The following GLDN variants were observed in gnomAD, a reference collection of about 807,000 sequenced individuals.
GLDN encodes the protein gliomedin.
In GLDN, 47 loss-of-function variants were observed where a neutral mutation model predicts 56.5. The ratio of observed to expected loss-of-function variants is 0.83; its 90% CI spans 0.66 to 1.06. The LOEUF (loss-of-function observed/expected upper bound fraction) is 1.06, where lower values mean the gene tolerates loss of function less well. Among genes scored for constraint, GLDN ranks in the 50% least tolerant of loss-of-function variants. The pLI is 0.00. For missense variants in GLDN, 782 were observed against 714.3 expected (o/e 1.09, Z -1.08); for synonymous variants, 332 against 278.8 (o/e 1.19, Z -1.90).
At chr15:51,397,041 G>A (rs1267257510) in intron 5 of GLDN, among the ~76,000 whole-genome samples, 2 of 152,170 alleles carry the variant, frequency 1.3e-5, no homozygotes, top group African/African-American at 4.8e-5. Context: ...CTTCAGAAAA[G>A]CACCATCCCT....
In GLDN at chr15:51,405,934, A is replaced by G. The variant is rs2038371602; in HGVS notation, c.*1180A>G. On this transcript the variant is annotated 3_prime_UTR_variant, in exon 10 of 10. Coordinates refer to ENST00000335449, the MANE Select transcript of GLDN (RefSeq NM_181789.4). ...ATTGCAACAAAGAGCATATGGCCCC[A>G]CAGTGCCTAAAATATTGACCAGCTA... is the stretch of plus-strand genomic sequence containing the variant. 1 of 152,234 alleles carries G rather than the reference A, an allele frequency of 6.6e-6. No individual in the cohort carries two copies. The highest frequency in any genetic ancestry group is 1.5e-5 in the Non-Finnish European group (1 of 68,038). 9.4% of individuals were successfully genotyped at this position (152,234 alleles called of 1,614,324 possible).
chr15:51,394,458 C>T (rs911411885), intron 4 of GLDN, among the ~76,000 whole-genome samples: 1 of 152,098 alleles, frequency 6.6e-6, no homozygotes, highest in Non-Finnish European at 1.5e-5. Flanking sequence ...ATTTAAAATA[C>T]AAAAATTAGA....
chr15:51,351,505 G>A (rs907104101), intron 1 of GLDN, among the ~76,000 whole-genome samples: 1 of 152,174 alleles, frequency 6.6e-6, no homozygotes, highest in Non-Finnish European at 1.5e-5. Context: ...CTAGACCACA[G>A]GCTGAGAGAT....
chr15:51,386,323 G>A (rs1233467061), intron 4 of GLDN, among the ~76,000 whole-genome samples: 2 of 152,180 alleles, frequency 1.3e-5, no homozygotes, highest in East Asian at 1.9e-4. Flanking sequence ...CCAGCTCGAT[G>A]GGATCGCTCA....
At chr15:51,346,190 C>A (rs972753258) in intron 1 of GLDN, among the ~76,000 whole-genome samples, 1 of 151,874 alleles carries the variant, frequency 6.6e-6, no homozygotes, top group Non-Finnish European at 1.5e-5. Flanking sequence ...TGGGATTAGA[C>A]AAACTGATTC....
At chr15:51,372,339 C>T (rs571289767) in intron 1 of GLDN, among the ~76,000 whole-genome samples, 2 of 152,336 alleles carry the variant, frequency 1.3e-5, no homozygotes, top group African/African-American at 2.4e-5. Flanking sequence ...AGCTACCAAA[C>T]GTTCAATGCT....
intron 1 of GLDN, among the ~76,000 whole-genome samples, chr15:51,349,959 G>A (rs184827341): frequency 5.0e-4 from 76 of 152,142 alleles, no homozygotes; most frequent in Admixed American, 4.4e-3. Context: ...TAGCCAGGAT[G>A]GTCCTGATCT....
At chr15:51,350,315 G>A (rs1399046153) in intron 1 of GLDN, among the ~76,000 whole-genome samples, 1 of 152,180 alleles carries the variant, frequency 6.6e-6, no homozygotes, top group South Asian at 2.1e-4. Context: ...GATTGAAGGA[G>A]AGAGATGCAT....
At chr15:51,343,908 C>T (rs567344347) in intron 1 of GLDN, among the ~76,000 whole-genome samples, 1 of 152,166 alleles carries the variant, frequency 6.6e-6, no homozygotes, top group Non-Finnish European at 1.5e-5. Context: ...TGACCCTCAT[C>T]CCCCCACCTC....
intron 4 of GLDN, chr15:51,384,258 A>C (rs112940632): frequency 3.2e-5 from 9 of 278,556 alleles, no homozygotes; most frequent in African/African-American, 2.1e-4. Flanking sequence ...CTTGCCCTCT[A>C]TTGCCTCCTC....
rs76091007 is a variant in GLDN, at chr15:51,402,984, T to G, written c.1178+1241T>G. Among the ~76,000 whole-genome samples, 518 of 152,276 alleles carry G rather than the reference T, an allele frequency of 3.4e-3. 19 individuals carry two copies. The East Asian group carries it at 0.06, about 18-fold the overall frequency. The stretch of plus-strand genomic sequence containing the variant: ...CTTTCCTCCGATGCTTCTCACTGAA[T>G]CTTGTGGTTCCCTGCTGCCATGTTA... On this transcript the variant is annotated intron_variant, in intron 9 of 9. Coordinates refer to ENST00000335449, the MANE Select transcript of GLDN (RefSeq NM_181789.4).
Position 51,394,961 on chromosome 15 carries a change from C to T in GLDN, c.668C>T (p.Ser223Phe). Residue 223 changes from serine (S) to phenylalanine (F), a missense_variant, in exon 5 of 10, where the codon TCC becomes TTC. Coordinates refer to ENST00000335449, the MANE Select transcript of GLDN (RefSeq NM_181789.4). The part of the protein sequence containing the change: ...KGEKGDKGDV[S>F]NDVLLAGAKG... Reference sequence around the variant, plus strand: ...GAAAAGGGTGACAAAGGAGATGTGTCCAACGACGTGCTCCTGGCAGGTAAG... The same window carrying T: ...GAAAAGGGTGACAAAGGAGATGTGTTCAACGACGTGCTCCTGGCAGGTAAG... 9 of 1,603,360 alleles carry T rather than the reference C, an allele frequency of 5.6e-6. No individual in the cohort carries two copies. The highest frequency in any genetic ancestry group is 7.7e-6 in the Non-Finnish European group (9 of 1,175,976).
chr15:51,391,800 C>A (rs544243938), intron 4 of GLDN, among the ~76,000 whole-genome samples: 13 of 152,348 alleles, frequency 8.5e-5, no homozygotes, highest in African/African-American at 2.9e-4. Context: ...AGTGGAGGGG[C>A]CCCCTGCTCC....
intron 1 of GLDN, among the ~76,000 whole-genome samples, chr15:51,374,910 A>G (rs1055108467): frequency 2.0e-5 from 3 of 151,574 alleles, no homozygotes; most frequent in Admixed American, 2.0e-4. Context: ...GCTAATTTTT[A>G]ATTTTTTCAT....
In GLDN at chr15:51,405,261, C is replaced by T. The variant is rs2038352352; in HGVS notation, c.*507C>T. 1 of 154,430 alleles carries T rather than the reference C, an allele frequency of 6.5e-6. No homozygotes were observed. The highest frequency in any genetic ancestry group is 2.4e-5 in the African/African-American group (1 of 41,374). The allele number at this position is 154,430 out of a possible 1,614,324, so 9.6% of individuals were successfully genotyped here. On this transcript the variant is annotated 3_prime_UTR_variant, in exon 10 of 10. Transcript: ENST00000335449. The stretch of plus-strand genomic sequence containing the variant: ...AAGACATCTAAAGTATCACATTATC[C>T]ATAATTTATTGCTTTTCTTTGCATC...
intron 6 of GLDN, among the ~76,000 whole-genome samples, chr15:51,399,589 C>G (rs1694357641): frequency 6.6e-6 from 1 of 152,212 alleles, no homozygotes; most frequent in Non-Finnish European, 1.5e-5. Context: ...ACCTGTGTTT[C>G]TCTAGGCTCT....
rs952307329 is a variant in GLDN, at chr15:51,405,509, C to T, written c.*755C>T. On this transcript the variant is annotated 3_prime_UTR_variant, in exon 10 of 10. Transcript: ENST00000335449. ...TCAAGTGATCCTCCTGCCTTGGCCT[C>T]CCAAAATGCTGGATTACAGGCATGT... 1 of 151,840 alleles carries T rather than the reference C, an allele frequency of 6.6e-6. No homozygotes were observed. Among genetic ancestry groups the T allele is most frequent in the South Asian group, 2.1e-4 (1 of 4,806 alleles). The allele number at this position is 151,840 out of a possible 1,614,324, so 9.4% of individuals were successfully genotyped here.
rs199956166 is a variant in GLDN, at chr15:51,346,174, T to TG, written c.363+4127_363+4128insG. ...CAACATAAAACTATCAATAGATTTT[T>TG]TTTTCTGGGATTAGACAAACTGATT... On this transcript the variant is annotated intron_variant, in intron 1 of 9. Transcript: ENST00000335449. Among the ~76,000 whole-genome samples, 1,506 of 152,252 alleles carry TG rather than the reference T, an allele frequency of 9.9e-3. 30 individuals carry two copies. The highest frequency in any genetic ancestry group is 0.035 in the African/African-American group (1,454 of 41,522).
At chr15:51,383,054 G>A (rs1275795038) in intron 2 of GLDN, among the ~76,000 whole-genome samples, 1 of 152,120 alleles carries the variant, frequency 6.6e-6, no homozygotes, top group African/African-American at 2.4e-5. Context: ...TCCTGGGACG[G>A]CCAAATCTCA....
Sources: gnomAD v4.1 joint callset for allele counts (sites outside exome capture counted in the v4.1 genomes callset) on GRCh38, gnomAD v4.1.1 for gene constraint, MANE v1.5 for transcripts, NCBI Gene and HGNC (gene_info 2026-07-23, HGNC 2026-07-21) for gene names.